The following DOCK3 variants were observed in gnomAD, a reference collection of about 807,000 sequenced individuals.
DOCK3 encodes dedicator of cytokinesis 3, also known as dedicator of cytokinesis protein 3.
DOCK3 carries 60 observed loss-of-function variants against 265.6 expected under a neutral mutation model. The ratio of observed to expected loss-of-function variants is 0.23; its 90% CI spans 0.18 to 0.28. DOCK3 has a LOEUF of 0.28. Among genes scored for constraint, DOCK3 ranks in the 10% least tolerant of loss-of-function variants. The pLI is 1.00. For missense variants in DOCK3, 1,981 were observed against 2,594.3 expected (o/e 0.76, Z 5.14); for synonymous variants, 881 against 938.0 (o/e 0.94, Z 1.11).
rs574266978 is a variant in DOCK3 at position 51,328,346 on chromosome 3, G to A, written c.3403-1792G>A. ...TGTTATAATCAGGCCCGTCTCTTGG[G>A]GGCCTTTTAGCCAGCAGGTTGACCC... On this transcript the variant is annotated intron_variant, in intron 32 of 52. Coordinates refer to ENST00000266037, the MANE Select transcript of DOCK3 (RefSeq NM_004947.5). 9.2e-5 allele frequency among the ~76,000 whole-genome samples: 14 copies of A among 152,104 alleles called. No homozygotes were observed. In the South Asian group the frequency reaches 2.7e-3, roughly 29 times the overall value.
chr3:51,025,404 G>A (rs1295294981), intron 5 of DOCK3, among the ~76,000 whole-genome samples: 2 of 152,100 alleles, frequency 1.3e-5, no homozygotes, highest in African/African-American at 2.4e-5. Context: ...TTCAAGGTCG[G>A]TGTCACTCCT....
chr3:50,889,201 A>G (rs1187732110), intron 3 of DOCK3, among the ~76,000 whole-genome samples: 1 of 151,606 alleles, frequency 6.6e-6, no homozygotes, highest in Non-Finnish European at 1.5e-5. Flanking sequence ...GGCTCAAGTC[A>G]TCCTCCCAAG....
intron 6 of DOCK3, among the ~76,000 whole-genome samples, chr3:51,074,083 T>C (rs1445640311): frequency 1.3e-5 from 2 of 152,238 alleles, no homozygotes; most frequent in East Asian, 1.9e-4. Flanking sequence ...CATAGTCTAA[T>C]TGAAGAGAAA....
At chr3:51,281,301 A>ATATATATATATATATATC (rs2109005167) in intron 27 of DOCK3, among the ~76,000 whole-genome samples, 2 of 147,640 alleles carry the variant, frequency 1.4e-5, no homozygotes, top group Admixed American at 1.3e-4. Flanking sequence ...ATATATATAT[A>ATATATATATATATATATC]TATATCTCAT....
intron 7 of DOCK3, among the ~76,000 whole-genome samples, chr3:51,081,260 C>T (rs1272224668): frequency 6.6e-6 from 1 of 152,092 alleles, no homozygotes; most frequent in East Asian, 1.9e-4. Context: ...AGCAATTCAA[C>T]AAATGAGTGT....
chr3:51,121,478 G>C (rs758477905), intron 9 of DOCK3, among the ~76,000 whole-genome samples: 2 of 152,180 alleles, frequency 1.3e-5, no homozygotes, highest in African/African-American at 2.4e-5. Context: ...TTTTAGTGCA[G>C]GAAAAGAGTT....
intron 40 of DOCK3, among the ~76,000 whole-genome samples, chr3:51,354,575 G>GT (rs1251878308): frequency 6.6e-6 from 1 of 152,130 alleles, no homozygotes; most frequent in Non-Finnish European, 1.5e-5. Flanking sequence ...CTTTCAGGAC[G>GT]TTTTTTTAAC....
intron 2 of DOCK3, among the ~76,000 whole-genome samples, chr3:50,799,457 T>A (rs2042960267): frequency 6.7e-6 from 1 of 149,584 alleles, no homozygotes; most frequent in Admixed American, 6.6e-5. Flanking sequence ...TTCTTAGGTA[T>A]TTTTTTTTGT....
chr3:51,123,782 A>G (rs2084143047), intron 9 of DOCK3, among the ~76,000 whole-genome samples: 1 of 152,178 alleles, frequency 6.6e-6, no homozygotes, highest in South Asian at 2.1e-4. Context: ...CAGGTATTTA[A>G]CATAAGCCGT....
rs1419456150 is a variant in DOCK3 at position 51,090,258 on chromosome 3, A to T, written c.620A>T (p.Glu207Val). ...GATACAATGCGCCCACGTCATGGGG[A>T]AACATGTCGGATGCCAGTGCCACAT... ...QVDTMRPRHG[E>V]TCRMPVPHHF... The change falls in exon 9 of 53, where the codon GAA becomes GTA. Residue 207 changes from glutamate (E) to valine (V), a missense_variant. Around this residue, in one of 4 missense-constraint regions of DOCK3, gnomAD observed 456 missense variants for 539.0 expected, o/e 0.85. Coordinates refer to ENST00000266037, the MANE Select transcript of DOCK3 (RefSeq NM_004947.5). 6.3e-7 allele frequency: 1 copy of T among 1,596,446 alleles called. No homozygotes were observed.
intron 15 of DOCK3, among the ~76,000 whole-genome samples, chr3:51,226,735 G>C (rs2090344475): frequency 6.6e-6 from 1 of 152,190 alleles, no homozygotes; most frequent in South Asian, 2.1e-4. Flanking sequence ...CAAGGGCATG[G>C]GCAGTACTGA....
chr3:50,812,586 A>C (rs2043826154), intron 2 of DOCK3, among the ~76,000 whole-genome samples: 2 of 152,230 alleles, frequency 1.3e-5, no homozygotes, highest in Non-Finnish European at 2.9e-5. Context: ...CCCAAAGGGC[A>C]GAAGACCAGT....
intron 22 of DOCK3, among the ~76,000 whole-genome samples, chr3:51,253,713 C>A (rs1298626454): frequency 6.6e-6 from 1 of 152,046 alleles, no homozygotes; most frequent in Non-Finnish European, 1.5e-5. Context: ...GGCGATATCA[C>A]CTTTGTCATT....
At chr3:50,874,067 T>TTG (rs2047577738) in intron 3 of DOCK3, among the ~76,000 whole-genome samples, 1 of 107,652 alleles carries the variant, frequency 9.3e-6, no homozygotes, top group African/African-American at 5.2e-5. Context: ...TTTTCTTTTG[T>TTG]TTTTTTTTTT....
chr3:50,801,801 A>C (rs2043084894), intron 2 of DOCK3, among the ~76,000 whole-genome samples: 1 of 152,202 alleles, frequency 6.6e-6, no homozygotes, highest in Non-Finnish European at 1.5e-5. Context: ...TGGAGTGTTG[A>C]AGTCCACAGC....
At chr3:51,342,200 G>A (rs1048213822) in intron 38 of DOCK3, among the ~76,000 whole-genome samples, 2 of 152,206 alleles carry the variant, frequency 1.3e-5, no homozygotes, top group Admixed American at 1.3e-4. Context: ...AATGGCTTTT[G>A]TCTATAAATC....
intron 2 of DOCK3, among the ~76,000 whole-genome samples, chr3:50,831,710 A>C (rs927413827): frequency 1.3e-5 from 2 of 152,192 alleles, no homozygotes; most frequent in African/African-American, 4.8e-5. Flanking sequence ...GCATCTTTAT[A>C]GTAGAATGAT....
intron 2 of DOCK3, among the ~76,000 whole-genome samples, chr3:50,798,730 T>C (rs1175139189): frequency 6.6e-6 from 1 of 152,180 alleles, no homozygotes; most frequent in Non-Finnish European, 1.5e-5. Context: ...AGCTTTTTCA[T>C]TTTATATAAT....
chr3:50,768,040 A>G (rs1433540252), intron 1 of DOCK3, among the ~76,000 whole-genome samples: 5 of 152,224 alleles, frequency 3.3e-5, no homozygotes, highest in Non-Finnish European at 7.3e-5. Context: ...TTTTCTAAAT[A>G]TACAATCATG....
Sources: gnomAD v4.1 joint callset for allele counts (sites outside exome capture counted in the v4.1 genomes callset) on GRCh38, gnomAD v4.1.1 for gene constraint, gnomAD v4.1.1 regional missense constraint, MANE v1.5 for transcripts, NCBI Gene and HGNC (gene_info 2026-07-23, HGNC 2026-07-21) for gene names.